Variants in NUP98 observed in about 807,000 individuals in gnomAD.
NUP98 encodes the protein nucleoporin 98 and 96 precursor.
A neutral mutation model predicts 191.9 loss-of-function variants in NUP98; 26 were observed. That is an observed-to-expected ratio of 0.14 (90% CI 0.10 to 0.19). The LOEUF (loss-of-function observed/expected upper bound fraction) is 0.19. Among genes scored for constraint, NUP98 ranks in the 10% least tolerant of loss-of-function variants. The pLI is 1.00. For missense variants in NUP98, 1,941 were observed against 2,178.8 expected (o/e 0.89, Z 2.17); for synonymous variants, 808 against 778.4 (o/e 1.04, Z -0.63).
chr11:3,699,953 T>C (rs544973293), intron 24 of NUP98, among the ~76,000 whole-genome samples: 1 of 152,176 alleles, frequency 6.6e-6, no homozygotes, highest in South Asian at 2.1e-4. Flanking sequence ...ATGGTCATGA[T>C]AGATGAGAAA....
chr11:3,691,453 G>A lies in NUP98; in HGVS notation c.4348C>T (p.Leu1450Phe). Residue 1450 changes from leucine (L) to phenylalanine (F), a missense_variant, in exon 28 of 33, where the codon CTT becomes TTT. By Grantham distance (22) the Leu-to-Phe change is conservative. This residue lies in a region of NUP98 where 1,030 missense variants were observed against 1,115.8 expected (regional missense o/e 0.92). Transcript: ENST00000324932. ...SDSDRYACSP[L>F]PSYLEGSGCV... ...CCAGAACCCTCCAGATACGAAGGAA[G>A]TGGGGAGCAGGCATATCTGTCACTG... The A allele has an allele frequency of 6.2e-7, 1 of 1,614,190 alleles. No homozygotes were observed. Among genetic ancestry groups the A allele is most frequent in the Non-Finnish European group, 8.5e-7 (1 of 1,180,024 alleles).
At chr11:3,688,839 A>ATATATATATATATT (rs1457803076) in intron 28 of NUP98, among the ~76,000 whole-genome samples, 3 of 144,196 alleles carry the variant, frequency 2.1e-5, no homozygotes, top group South Asian at 4.2e-4. Flanking sequence ...ATATATATAT[A>ATATATATATATATT]TATTTATAAG....
At chr11:3,747,529 T>C (rs1050332939) in intron 11 of NUP98, among the ~76,000 whole-genome samples, 2 of 152,182 alleles carry the variant, frequency 1.3e-5, no homozygotes, top group African/African-American at 2.4e-5. Context: ...TTAATGAATG[T>C]TTCTTAGTCT....
chr11:3,792,725 A>C (rs1011226209), intron 1 of NUP98, among the ~76,000 whole-genome samples: 1 of 152,242 alleles, frequency 6.6e-6, no homozygotes, highest in African/African-American at 2.4e-5. Flanking sequence ...CAGAAGTGTA[A>C]AGGTCTATTC....
chr11:3,692,087 C>A (rs975588230), intron 27 of NUP98, among the ~76,000 whole-genome samples: 1 of 151,988 alleles, frequency 6.6e-6, no homozygotes, highest in Admixed American at 6.6e-5. Context: ...TTCATGCATG[C>A]GTGTGAGATG....
At position 3,753,895 on chromosome 11, in the gene NUP98, C is replaced by T. The variant is rs367821895; in HGVS notation, c.1175-487G>A. On this transcript the variant is annotated intron_variant, in intron 10 of 32. Transcript: ENST00000324932. ...CAAAGGTTGCAGTGAGCCTAGATTG[C>T]GCCACTGCACTCCAGCCTGGGCAAC... Among the ~76,000 whole-genome samples the T allele has an allele frequency of 1.2e-4, 18 of 149,006 alleles. No homozygotes were observed. In the East Asian group the frequency reaches 2.4e-3, roughly 20 times the overall value.
chr11:3,720,618 G>A (rs1042882856), intron 17 of NUP98, 94 bp downstream of exon 17: 71 of 629,974 alleles, frequency 1.1e-4, no homozygotes, highest in Admixed American at 2.3e-4. Flanking sequence ...CCAAATGTAG[G>A]AAAATGAAGA....
At chr11:3,708,940 T>A (rs1475002366) in intron 20 of NUP98, among the ~76,000 whole-genome samples, 1 of 152,176 alleles carries the variant, frequency 6.6e-6, no homozygotes, top group Non-Finnish European at 1.5e-5. Flanking sequence ...ACTACACAGA[T>A]TATATCTGTA....
chr11:3,765,295 G>A (rs1406817081), intron 8 of NUP98, among the ~76,000 whole-genome samples: 4 of 152,172 alleles, frequency 2.6e-5, no homozygotes, highest in Admixed American at 1.3e-4. Context: ...TCTAACTCAT[G>A]ACCTCAATGA....
At chr11:3,738,707 G>C (rs1451062186) in intron 12 of NUP98, among the ~76,000 whole-genome samples, 1 of 150,400 alleles carries the variant, frequency 6.6e-6, no homozygotes, top group Non-Finnish European at 1.5e-5. Context: ...TGAACCCAGA[G>C]GCAGAGGCTG....
At position 3,776,033 on chromosome 11, in the gene NUP98, A is replaced by G; in HGVS notation, c.356-12T>C. 1 of 1,597,106 alleles carries G rather than the reference A, an allele frequency of 6.3e-7. No individual in the cohort carries two copies. Among genetic ancestry groups the G allele is most frequent in the Non-Finnish European group, 8.5e-7 (1 of 1,172,246 alleles). Reference sequence around the variant, plus strand: ...ACTGGTTCCAAAATCTAAAAATAAGAAAGAAAAATGAGACGATAACAGTAA... The same window carrying G: ...ACTGGTTCCAAAATCTAAAAATAAGGAAGAAAAATGAGACGATAACAGTAA... On this transcript the variant is annotated splice_polypyrimidine_tract_variant and intron_variant, in intron 4 of 32. Coordinates refer to ENST00000324932, the MANE Select transcript of NUP98 (RefSeq NM_016320.5).
In NUP98 at chr11:3,706,609, C is replaced by T. The variant is rs374147876; in HGVS notation, c.2761G>A (p.Glu921Lys). 6.2e-7 allele frequency: 1 copy of T among 1,613,848 alleles called. No homozygotes were observed. The highest frequency in any genetic ancestry group is 8.5e-7 in the Non-Finnish European group (1 of 1,179,982). ...AGTTCCACAACCCTCCCTAACTGCT[C>T]CACCTCTGGGCTCTGGCTCTGTAGA... ...PPPQSQSPEVEQLGRVVELDS... is the reference protein window; with the variant it reads ...PPPQSQSPEVKQLGRVVELDS... Residue 921 changes from glutamate (E) to lysine (K), a missense_variant, in exon 21 of 33, where the codon GAG becomes AAG. This residue lies in a region of NUP98 where 1,030 missense variants were observed against 1,115.8 expected (regional missense o/e 0.92). Coordinates refer to ENST00000324932, the MANE Select transcript of NUP98 (RefSeq NM_016320.5).
chr11:3,705,860 G>T (rs1403172550), intron 21 of NUP98, among the ~76,000 whole-genome samples: 1 of 151,940 alleles, frequency 6.6e-6, no homozygotes, highest in African/African-American at 2.4e-5. Flanking sequence ...TTACAAAATT[G>T]GGATTGGGGC....
intron 10 of NUP98, among the ~76,000 whole-genome samples, chr11:3,754,314 T>C (rs1363933706): frequency 1.3e-5 from 2 of 152,130 alleles, no homozygotes; most frequent in African/African-American, 4.8e-5. Flanking sequence ...TAAACCCAGC[T>C]ACTTGGGAGG....
intron 14 of NUP98, among the ~76,000 whole-genome samples, chr11:3,728,634 G>C (rs1589822149): frequency 6.6e-6 from 1 of 152,126 alleles, no homozygotes; most frequent in Non-Finnish European, 1.5e-5. Context: ...AGCTACTTGG[G>C]AGTCTGAAGC....
chr11:3,771,470 T>C (rs1421599992), intron 7 of NUP98, among the ~76,000 whole-genome samples: 1 of 152,176 alleles, frequency 6.6e-6, no homozygotes, highest in African/African-American at 2.4e-5. Flanking sequence ...CTAGCTGGAA[T>C]GTTCTTCCCC....
At chr11:3,776,704 G>C (rs1253677840) in intron 4 of NUP98, among the ~76,000 whole-genome samples, 1 of 151,398 alleles carries the variant, frequency 6.6e-6, no homozygotes, top group Non-Finnish European at 1.5e-5. Context: ...GTGTTAGCCA[G>C]GATGGTCTCG....
chr11:3,719,991 G>A (rs1158841072), intron 17 of NUP98, among the ~76,000 whole-genome samples: 1 of 152,012 alleles, frequency 6.6e-6, no homozygotes, highest in Non-Finnish European at 1.5e-5. Flanking sequence ...GAACTCCTGA[G>A]CTCAAGTGAT....
At chr11:3,679,134 A>C (rs918698617) in intron 31 of NUP98, among the ~76,000 whole-genome samples, 4 of 151,816 alleles carry the variant, frequency 2.6e-5, no homozygotes, top group African/African-American at 2.4e-5. Context: ...AAAAAAAAAA[A>C]AAAAAAAAAA....
Sources: gnomAD v4.1 joint callset for allele counts (sites outside exome capture counted in the v4.1 genomes callset) on GRCh38, gnomAD v4.1.1 for gene constraint, gnomAD v4.1.1 regional missense constraint, MANE v1.5 for transcripts, NCBI Gene and HGNC (gene_info 2026-07-23, HGNC 2026-07-21) for gene names.